Variants in NHSL1 observed in about 807,000 individuals in gnomAD.
NHSL1 encodes NHS-like protein 1.
NHSL1 carries 48 observed loss-of-function variants against 95.0 expected under a neutral mutation model. The observed-to-expected ratio is 0.51, with a 90% CI of 0.40 to 0.64. NHSL1 has a LOEUF of 0.64. Ranked by LOEUF, NHSL1 falls within the 30% of genes least tolerant of loss-of-function variation. The pLI is 0.00. For missense variants in NHSL1, 1,971 were observed against 2,077.7 expected (o/e 0.95, Z 1.00); for synonymous variants, 783 against 833.9 (o/e 0.94, Z 1.05).
At chr6:138,503,564 T>C (rs1465807437), upstream of NHSL1, among the ~76,000 whole-genome samples, 1 of 152,182 alleles carries the variant, frequency 6.6e-6, no homozygotes, top group Non-Finnish European at 1.5e-5. Context: ...AGTTGAAATA[T>C]TGTCTAAGGC....
intron 1 of NHSL1, among the ~76,000 whole-genome samples, chr6:138,579,961 G>A (rs150880110): frequency 7.2e-4 from 110 of 152,206 alleles, no homozygotes; most frequent in African/African-American, 2.5e-3. Context: ...GTGACACATT[G>A]CTTGATACAA....
intron 3 of NHSL1, among the ~76,000 whole-genome samples, chr6:138,449,863 T>C (rs748564716): frequency 6.6e-6 from 1 of 152,224 alleles, no homozygotes; most frequent in Non-Finnish European, 1.5e-5. Context: ...ATGTTCTTAA[T>C]AAATAAAACA....
intron 1 of NHSL1, among the ~76,000 whole-genome samples, chr6:138,589,027 G>C (rs1056340247): frequency 6.6e-6 from 1 of 152,182 alleles, no homozygotes; most frequent in African/African-American, 2.4e-5. Flanking sequence ...AAGAAAAACA[G>C]GCAGAGGAAG....
At chr6:138,588,581 A>G (rs1256985731) in intron 1 of NHSL1, among the ~76,000 whole-genome samples, 3 of 152,352 alleles carry the variant, frequency 2.0e-5, no homozygotes, top group Non-Finnish European at 4.4e-5. Context: ...GCTTGAACCT[A>G]TCTGTCTTCA....
At chr6:138,495,377 G>A (rs1193777035) in intron 2 of NHSL1, among the ~76,000 whole-genome samples, 1 of 152,154 alleles carries the variant, frequency 6.6e-6, no homozygotes, top group Non-Finnish European at 1.5e-5. Context: ...AGGCTCAGAG[G>A]AGCCCAGTTG....
intron 2 of NHSL1, among the ~76,000 whole-genome samples, chr6:138,488,256 C>G (rs945290912): frequency 6.6e-6 from 1 of 150,900 alleles, no homozygotes; most frequent in African/African-American, 2.5e-5. Flanking sequence ...CCAGCCTGGG[C>G]ACCAGAGCAA....
At chr6:138,568,048 G>A (rs1320511008) in intron 1 of NHSL1, among the ~76,000 whole-genome samples, 2 of 152,264 alleles carry the variant, frequency 1.3e-5, no homozygotes, top group East Asian at 1.9e-4. Context: ...GGAAAGCACA[G>A]AATAAATACT....
At chr6:138,686,133 A>G (rs2114796763) in intron 1 of NHSL1, among the ~76,000 whole-genome samples, 1 of 152,262 alleles carries the variant, frequency 6.6e-6, no homozygotes, top group South Asian at 2.1e-4. Context: ...AATAACATGT[A>G]TTGCATACTT....
chr6:138,449,512 T>C (rs1370406841), intron 3 of NHSL1, among the ~76,000 whole-genome samples: 1 of 151,972 alleles, frequency 6.6e-6, no homozygotes, highest in African/African-American at 2.4e-5. Context: ...CCGTCTCTAC[T>C]AAAATAAAAA....
upstream of NHSL1, among the ~76,000 whole-genome samples, chr6:138,546,057 T>C (rs1022897903): frequency 3.9e-5 from 6 of 152,222 alleles, no homozygotes; most frequent in Non-Finnish European, 1.5e-5. Context: ...CCTTTTGCTA[T>C]TAATTATGAC....
At chr6:138,657,438 A>G (rs942108635) in intron 1 of NHSL1, among the ~76,000 whole-genome samples, 1 of 152,238 alleles carries the variant, frequency 6.6e-6, no homozygotes, top group African/African-American at 2.4e-5. Context: ...TGTATGAAAC[A>G]TTTCTTCAAT....
intron 1 of NHSL1, among the ~76,000 whole-genome samples, chr6:138,616,530 CAGAG>C (rs147079893): frequency 8.7e-5 from 13 of 148,596 alleles, no homozygotes; most frequent in African/African-American, 1.2e-4. Flanking sequence ...CAGGCAGAGA[CAGAG>C]AGAGAGAGAG....
At chr6:138,615,478 T>C (rs1030466486) in intron 1 of NHSL1, among the ~76,000 whole-genome samples, 1 of 152,256 alleles carries the variant, frequency 6.6e-6, no homozygotes, top group African/African-American at 2.4e-5. Flanking sequence ...TCAGGTTCTT[T>C]TTTTCTTTTT....
intron 1 of NHSL1, among the ~76,000 whole-genome samples, chr6:138,498,405 G>A (rs1206716151): frequency 6.6e-6 from 1 of 152,046 alleles, no homozygotes; most frequent in Non-Finnish European, 1.5e-5. Flanking sequence ...TTCATCCAAA[G>A]GCAGCCTTTA....
intron 1 of NHSL1, among the ~76,000 whole-genome samples, chr6:138,541,164 C>T (rs1270452655): frequency 6.6e-6 from 1 of 152,072 alleles, no homozygotes; most frequent in Non-Finnish European, 1.5e-5. Context: ...GTCAGGAGGT[C>T]GAGATCAGCC....
chr6:138,649,450 A>ATT (rs11285498), intron 1 of NHSL1, among the ~76,000 whole-genome samples: 1 of 146,668 alleles, frequency 6.8e-6, no homozygotes. Context: ...AGGGAATTCT[A>ATT]TTTTTTTTTT....
At chr6:138,545,479 A>C in intron 1 of NHSL1, 2 of 494,496 alleles carry the variant, frequency 4.0e-6, no homozygotes, top group Non-Finnish European at 6.8e-6. Flanking sequence ...AAAAAGAACA[A>C]TGACTTTTTC....
chr6:138,525,816 G>A (rs1404260487), intron 1 of NHSL1, among the ~76,000 whole-genome samples: 1 of 152,068 alleles, frequency 6.6e-6, no homozygotes, highest in Non-Finnish European at 1.5e-5. Flanking sequence ...ATTTGACCTG[G>A]CCAGGCGCAG....
intron 5 of NHSL1, 62 bp downstream of exon 5, chr6:138,441,921 G>C: frequency 6.9e-7 from 1 of 1,453,486 alleles, no homozygotes. Context: ...CATGAATGAG[G>C]TTAGCGCAGT....
Sources: gnomAD v4.1 joint callset for allele counts (sites outside exome capture counted in the v4.1 genomes callset) on GRCh38, gnomAD v4.1.1 for gene constraint, MANE v1.5 for transcripts, NCBI Gene and HGNC (gene_info 2026-07-23, HGNC 2026-07-21) for gene names.